GPR89B: variants seen among roughly 807,000 people sequenced by gnomAD.
GPR89B encodes the protein G protein-coupled receptor 89B.
In GPR89B, 25 loss-of-function variants were observed where a neutral mutation model predicts 52.4. The ratio of observed to expected loss-of-function variants is 0.48; its 90% CI spans 0.35 to 0.67. The LOEUF (loss-of-function observed/expected upper bound fraction) is 0.67. Ranked by LOEUF, GPR89B falls within the 30% of genes least tolerant of loss-of-function variation. The probability of loss-of-function intolerance (pLI) is 0.01; values close to 1 mark genes in which losing one functional copy is unlikely to be tolerated. For synonymous variants in GPR89B, 52 were observed against 151.2 expected (o/e 0.34, Z 4.81); for missense variants, 146 against 450.2 (o/e 0.32, Z 6.11).
chr1:148,012,312 T>A, the GPR89B span: 2 of 151,500 alleles, frequency 1.3e-5, no homozygotes, highest in Non-Finnish European at 2.9e-5. Context: ...AGTGCTGATT[T>A]GTGTAACGGA....
chr1:148,010,777 A>G, the GPR89B span: 1 of 152,298 alleles, frequency 6.6e-6, no homozygotes, highest in African/African-American at 2.4e-5. Context: ...GGCCTGGATG[A>G]ATTTCCTGTG....
intron 2 of GPR89B, among the ~76,000 whole-genome samples, chr1:147,937,858 G>A (rs1654220815): frequency 1.3e-5 from 2 of 152,188 alleles, no homozygotes; most frequent in Admixed American, 6.5e-5. Flanking sequence ...TACATCCTCA[G>A]TTTACAAAGA....
the GPR89B span, among the ~76,000 whole-genome samples, chr1:148,017,695 G>A: frequency 6.7e-6 from 1 of 150,102 alleles, no homozygotes; most frequent in Non-Finnish European, 1.5e-5. Context: ...CCAAGATCGG[G>A]CCACTGCACT....
chr1:148,010,835 A>G, the GPR89B span: 6 of 152,254 alleles, frequency 3.9e-5, no homozygotes, highest in Non-Finnish European at 5.9e-5. Context: ...CTGTTTCACA[A>G]TTAGGCTCTT....
At chr1:147,952,646 C>T (rs1655808008) in intron 5 of GPR89B, among the ~76,000 whole-genome samples, 1 of 152,060 alleles carries the variant, frequency 6.6e-6, no homozygotes, top group African/African-American at 2.4e-5. Context: ...TCTGCAATGC[C>T]AAACTTACTG....
intron 5 of GPR89B, among the ~76,000 whole-genome samples, chr1:147,951,528 C>G (rs587744654): frequency 6.6e-6 from 1 of 151,742 alleles, no homozygotes; most frequent in South Asian, 2.1e-4. Context: ...GACGTAAACT[C>G]GAAGCCAAGA....
chr1:147,932,390 T>C (rs1401386989), intron 1 of GPR89B, among the ~76,000 whole-genome samples: 3 of 152,068 alleles, frequency 2.0e-5, no homozygotes, highest in Admixed American at 2.0e-4. Flanking sequence ...ATAGTTTGTT[T>C]ACTACTAATA....
At chr1:147,999,284 G>C in the GPR89B span, among the ~76,000 whole-genome samples, 1 of 151,638 alleles carries the variant, frequency 6.6e-6, no homozygotes, top group Non-Finnish European at 1.5e-5. Context: ...TGGCTTCTCT[G>C]GTCCTGTTGT....
rs1553247938 is a variant in GPR89B, at chr1:147,936,608, T to C, written c.43-19T>C. 1 of 1,607,032 alleles carries C rather than the reference T, an allele frequency of 6.2e-7. No homozygotes were observed. The highest frequency in any genetic ancestry group is 8.5e-7 in the Non-Finnish European group (1 of 1,174,376). On this transcript the variant is annotated intron_variant, in intron 1 of 13. Coordinates refer to ENST00000314163, the MANE Select transcript of GPR89B (RefSeq NM_016334.5). ...CAAAAGAAAATATGTATTGACATTC[T>C]ATCTTCTTTCTCCTCCAGATACTAT...
At chr1:148,003,321 A>T in the GPR89B span, among the ~76,000 whole-genome samples, 1 of 151,930 alleles carries the variant, frequency 6.6e-6, no homozygotes, top group Non-Finnish European at 1.5e-5. Flanking sequence ...CCTGGTTCTG[A>T]GTCCCAAATC....
rs1553248417 is a variant in GPR89B at position 147,938,779 on chromosome 1, G to A, written c.168G>A (p.Glu56=). Residue 56 remains glutamate (E), a synonymous_variant, in exon 3 of 14, where the codon GAG becomes GAA. Transcript: ENST00000314163. ...VTFAFSCTMF[E]LIIFEILGVL... is the part of the protein sequence containing the mutation. ...TTGCATTTTCTTGCACCATGTTTGA[G>A]CTCATCATCTTTGAAATCTTAGGAG... 3 of 1,579,776 alleles carry A rather than the reference G, an allele frequency of 1.9e-6. No homozygotes were observed. Among genetic ancestry groups the A allele is most frequent in the Non-Finnish European group, 2.6e-6 (3 of 1,165,760 alleles).
intron 10 of GPR89B, among the ~76,000 whole-genome samples, chr1:147,981,033 G>T (rs1319445274): frequency 2.0e-5 from 3 of 151,546 alleles, no homozygotes; most frequent in Non-Finnish European, 2.9e-5. Flanking sequence ...ATGGGGTTGG[G>T]GGGGGCTTTT....
chr1:147,945,492 A>T (rs1383635667), intron 5 of GPR89B, among the ~76,000 whole-genome samples: 2 of 152,260 alleles, frequency 1.3e-5, no homozygotes, highest in Non-Finnish European at 2.9e-5. Flanking sequence ...CTGCAGTAAG[A>T]TCAGAGGAGA....
chr1:148,013,759 C>T, the GPR89B span, among the ~76,000 whole-genome samples: 1 of 151,960 alleles, frequency 6.6e-6, no homozygotes, highest in African/African-American at 2.4e-5. Flanking sequence ...CTCTGTCCTC[C>T]TGGGGTTAAG....
chr1:148,014,475 C>G, the GPR89B span: 2 of 151,088 alleles, frequency 1.3e-5, no homozygotes, highest in Non-Finnish European at 2.9e-5. Flanking sequence ...GACGAGGGCC[C>G]CGCATGTGGA....
At chr1:147,988,935 AAC>A (rs1449640301) in intron 12 of GPR89B, among the ~76,000 whole-genome samples, 1 of 134,274 alleles carries the variant, frequency 7.4e-6, no homozygotes, top group Non-Finnish European at 1.6e-5. Flanking sequence ...GACTTTAAAC[AAC>A]AGTGTCAAGG....
intron 12 of GPR89B, among the ~76,000 whole-genome samples, chr1:147,989,928 G>A (rs1658939564): frequency 6.6e-6 from 1 of 152,178 alleles, no homozygotes; most frequent in African/African-American, 2.4e-5. Context: ...AAACATACGT[G>A]TGCATGTGTC....
intron 1 of GPR89B, among the ~76,000 whole-genome samples, chr1:147,933,799 A>G (rs1356145975): frequency 6.6e-6 from 1 of 152,048 alleles, no homozygotes; most frequent in Non-Finnish European, 1.5e-5. Context: ...ACACATTTCT[A>G]TAATGTTTCT....
the GPR89B span, among the ~76,000 whole-genome samples, chr1:148,002,567 C>T: frequency 6.6e-6 from 1 of 152,114 alleles, no homozygotes; most frequent in African/African-American, 2.4e-5. Context: ...CCCTCAATTT[C>T]AGCAGTTCTT....
Sources: gnomAD v4.1 joint callset for allele counts (sites outside exome capture counted in the v4.1 genomes callset) on GRCh38, gnomAD v4.1.1 for gene constraint, MANE v1.5 for transcripts, NCBI Gene and HGNC (gene_info 2026-07-23, HGNC 2026-07-21) for gene names.